PEAK1: variants seen among roughly 807,000 people sequenced by gnomAD.
PEAK1 encodes the protein inactive tyrosine-protein kinase PEAK1.
PEAK1 carries 54 observed loss-of-function variants against 124.7 expected under a neutral mutation model. The observed-to-expected ratio is 0.43, with a 90% CI of 0.35 to 0.54. PEAK1 has a LOEUF of 0.54. Among genes scored for constraint, PEAK1 ranks in the 20% least tolerant of loss-of-function variants. The probability of loss-of-function intolerance (pLI) is 0.01; values close to 1 mark genes in which losing one functional copy is unlikely to be tolerated. For synonymous variants in PEAK1, 719 were observed against 760.0 expected, an observed-to-expected ratio of 0.95 and a Z score of 0.89; for missense variants, 2,046 against 2,134.5, an observed-to-expected ratio of 0.96 and a Z score of 0.82.
intron 6 of PEAK1, among the ~76,000 whole-genome samples, chr15:77,191,357 C>G (rs904627574): frequency 6.6e-6 from 1 of 152,144 alleles, no homozygotes; most frequent in Non-Finnish European, 1.5e-5. Flanking sequence ...CTACATCCAG[C>G]GGAGGCCAGG....
At chr15:77,356,998 G>A (rs34158220) in intron 2 of PEAK1, among the ~76,000 whole-genome samples, 11,716 of 152,304 alleles carry the variant, frequency 0.077, 562 homozygotes, top group Non-Finnish European at 0.1. Context: ...TAGGTCCAGT[G>A]GCTCACGCCT....
chr15:77,312,317 C>A (rs1159550367), intron 2 of PEAK1, among the ~76,000 whole-genome samples: 1 of 152,260 alleles, frequency 6.6e-6, no homozygotes, highest in Admixed American at 6.5e-5. Context: ...ATGTAATTAT[C>A]CTATTCTGTA....
At chr15:77,356,887 C>T (rs1362578515) in intron 2 of PEAK1, among the ~76,000 whole-genome samples, 1 of 152,194 alleles carries the variant, frequency 6.6e-6, no homozygotes, top group Non-Finnish European at 1.5e-5. Flanking sequence ...ACTATAACCA[C>T]ACACAAAATA....
chr15:77,194,318 C>T (rs978110310), intron 6 of PEAK1, among the ~76,000 whole-genome samples: 1 of 152,176 alleles, frequency 6.6e-6, no homozygotes, highest in Non-Finnish European at 1.5e-5. Flanking sequence ...CTCTAAAATA[C>T]AGCTCCTTAA....
intron 1 of PEAK1, chr15:77,371,453 C>A: frequency 4.1e-6 from 4 of 983,668 alleles, no homozygotes; most frequent in Non-Finnish European, 4.8e-6. Flanking sequence ...AGCAAATAAT[C>A]TATTCACATG....
intron 2 of PEAK1, chr15:77,352,616 A>G (rs906648981): frequency 2.1e-6 from 2 of 950,826 alleles, no homozygotes; most frequent in Non-Finnish European, 1.3e-6. Context: ...ACTTCATACC[A>G]TACTCATGAA....
At chr15:77,380,844 G>GT (rs1232438627) in intron 1 of PEAK1, among the ~76,000 whole-genome samples, 1 of 152,196 alleles carries the variant, frequency 6.6e-6, no homozygotes, top group Non-Finnish European at 1.5e-5. Flanking sequence ...AAATGGCAGA[G>GT]TAAGTGTTGC....
chr15:77,358,651 T>G (rs138360981), intron 2 of PEAK1, among the ~76,000 whole-genome samples: 1 of 152,292 alleles, frequency 6.6e-6, no homozygotes, highest in East Asian at 1.9e-4. Context: ...AGAAGCATAG[T>G]TTCTAAAATG....
At chr15:77,195,819 C>G (rs961152672) in intron 6 of PEAK1, among the ~76,000 whole-genome samples, 2 of 152,290 alleles carry the variant, frequency 1.3e-5, no homozygotes, top group South Asian at 4.1e-4. Flanking sequence ...ATGAATGCAC[C>G]TATTAGACAT....
chr15:77,149,749 C>T (rs2054442261), intron 8 of PEAK1, among the ~76,000 whole-genome samples: 2 of 151,656 alleles, frequency 1.3e-5, no homozygotes, highest in Non-Finnish European at 2.9e-5. Flanking sequence ...ATCTTATTGG[C>T]ATCACTTTTT....
intron 2 of PEAK1, among the ~76,000 whole-genome samples, chr15:77,300,705 T>G (rs942030205): frequency 1.3e-5 from 2 of 152,210 alleles, no homozygotes; most frequent in Non-Finnish European, 2.9e-5. Flanking sequence ...ATCTAGGGCA[T>G]CACATTACAT....
intron 7 of PEAK1, among the ~76,000 whole-genome samples, chr15:77,159,333 T>TA (rs1161735941): frequency 3.3e-5 from 5 of 152,202 alleles, no homozygotes; most frequent in African/African-American, 4.8e-5. Context: ...GTAGTCTAGT[T>TA]AATCTCATTT....
rs1171827785 is a variant in PEAK1, at chr15:77,109,662, A to G, written c.*4494T>C. The G allele has an allele frequency of 2.0e-5, 3 of 152,232 alleles. No homozygotes were observed. Among genetic ancestry groups the G allele is most frequent in the Non-Finnish European group, 2.9e-5 (2 of 68,036 alleles). 9.4% of individuals were successfully genotyped at this position (152,232 alleles called of 1,614,324 possible). A position where few individuals can be genotyped will look rare whatever the true frequency, so the allele number is the denominator to read the frequency against. ...GAGCAGCACTTGGATTTGTCTCGGC[A>G]CAGCACTTTGGGCCTTTGAGAATAT... On this transcript the variant is annotated 3_prime_UTR_variant, in exon 10 of 10. Coordinates refer to ENST00000682557, the MANE Select transcript of PEAK1 (RefSeq NM_001385026.1).
chr15:77,417,883 T>G (rs1036378405), intron 1 of PEAK1: 16 of 985,190 alleles, frequency 1.6e-5, no homozygotes, highest in Non-Finnish European at 1.8e-5. Flanking sequence ...CACTGCTAGA[T>G]GTTGAAAAAC....
chr15:77,120,763 GAA>G (rs1419610305), intron 9 of PEAK1, among the ~76,000 whole-genome samples: 3 of 152,198 alleles, frequency 2.0e-5, no homozygotes, highest in Non-Finnish European at 2.9e-5. Context: ...CCTCATAGGA[GAA>G]AGTCCTGGCC....
rs7163443 is a variant in PEAK1 at position 77,382,142 on chromosome 15, T to C, written c.-665-16917A>G. Among the ~76,000 whole-genome samples, 996 of 152,234 alleles carry C rather than the reference T, an allele frequency of 6.5e-3. 9 individuals carry two copies. The highest frequency in any genetic ancestry group is 0.023 in the African/African-American group (961 of 41,532). On this transcript the variant is annotated intron_variant, in intron 1 of 9. Coordinates refer to ENST00000682557, the MANE Select transcript of PEAK1 (RefSeq NM_001385026.1). The stretch of plus-strand genomic sequence containing the variant: ...TCCTCTCTATCTATCTCTATCTCTA[T>C]CTTTAACTTTAGTGGGGCAAGAGTG...
chr15:77,415,425 T>C (rs983802751), intron 1 of PEAK1, among the ~76,000 whole-genome samples: 4 of 152,180 alleles, frequency 2.6e-5, no homozygotes, highest in Middle Eastern at 3.2e-3. Flanking sequence ...GGCTTTTTTG[T>C]TTGTGTGTGT....
chr15:77,242,416 T>C (rs2060398553), intron 6 of PEAK1, among the ~76,000 whole-genome samples: 1 of 152,086 alleles, frequency 6.6e-6, no homozygotes, highest in African/African-American at 2.4e-5. Context: ...AATTACTGTA[T>C]CATTTATTGC....
chr15:77,132,949 T>C (rs1315722112), intron 9 of PEAK1, 56 bp downstream of exon 9: 4 of 1,497,260 alleles, frequency 2.7e-6, no homozygotes, highest in Admixed American at 3.9e-5. Flanking sequence ...AATGAATCCA[T>C]CCCAGTAACA....
Sources: allele counts gnomAD v4.1 joint callset (sites outside exome capture counted in the v4.1 genomes callset), GRCh38; gene constraint gnomAD v4.1.1; transcripts MANE v1.5; gene names NCBI Gene and HGNC (gene_info 2026-07-23, HGNC 2026-07-21).